The following ARFIP1 variants were observed in gnomAD, a reference collection of about 807,000 sequenced individuals.
The protein encoded by ARFIP1 is arfaptin-1.
ARFIP1 carries 24 observed loss-of-function variants against 42.5 expected under a neutral mutation model. That is an observed-to-expected ratio of 0.57 (90% CI 0.41 to 0.80). The LOEUF is 0.80. Among genes scored for constraint, ARFIP1 ranks in the 30% least tolerant of loss-of-function variants. ARFIP1 has a pLI of 0.00. For synonymous variants in ARFIP1, 141 were observed against 153.7 expected, an observed-to-expected ratio of 0.92 and a Z score of 0.61; for missense variants, 354 against 434.0, an observed-to-expected ratio of 0.82 and a Z score of 1.64.
chr4:152,796,139 C>G (rs1027124420), intron 1 of ARFIP1: 1 of 747,056 alleles, frequency 1.3e-6, no homozygotes, highest in Non-Finnish European at 2.5e-6. Context: ...CCCCAAATAA[C>G]TTTGCCTCCC....
intron 8 of ARFIP1, among the ~76,000 whole-genome samples, chr4:152,892,838 T>C (rs750940615): frequency 1.3e-5 from 2 of 152,250 alleles, no homozygotes; most frequent in African/African-American, 4.8e-5. Context: ...ATCTCTGATA[T>C]TCTCTTCTTT....
chr4:152,816,114 T>G (rs188926599), intron 1 of ARFIP1, among the ~76,000 whole-genome samples: 3 of 152,332 alleles, frequency 2.0e-5, no homozygotes, highest in Non-Finnish European at 4.4e-5. Context: ...TTGCCTAGAC[T>G]ATTCCAGTAG....
intron 2 of ARFIP1, among the ~76,000 whole-genome samples, chr4:152,844,927 A>C (rs997790197): frequency 2.0e-5 from 3 of 152,186 alleles, no homozygotes; most frequent in Admixed American, 1.3e-4. Context: ...AGCAAAAAGA[A>C]CAAGGCTGGA....
intron 7 of ARFIP1, chr4:152,883,115 G>T: frequency 2.3e-6 from 1 of 441,998 alleles, no homozygotes; most frequent in South Asian, 2.7e-5. Context: ...GAACCCCTAT[G>T]CTGGGTGCCT....
Position 152,815,588 on chromosome 4 carries a change from A to G in ARFIP1, c.-9-14037A>G, listed in dbSNP as rs115998626. Among the ~76,000 whole-genome samples the G allele has an allele frequency of 9.5e-3, 1,440 of 152,162 alleles. 31 individuals carry two copies. Among genetic ancestry groups the G allele is most frequent in the African/African-American group, 0.033 (1,357 of 41,488 alleles). On this transcript the variant is annotated intron_variant, in intron 1 of 8. Coordinates refer to ENST00000353617, the MANE Select transcript of ARFIP1 (RefSeq NM_001025595.3). The stretch of plus-strand genomic sequence containing the variant: ...TCCCTTACATTGTGCTCTTCCCCCA[A>G]TCTTGTCCAATGGCAATTCCATCTT...
At chr4:152,810,465 G>A (rs952952008) in intron 1 of ARFIP1, 1 of 152,072 alleles carries the variant, frequency 6.6e-6, no homozygotes, top group East Asian at 1.9e-4. Context: ...GTGTTTCCGT[G>A]GTAGAAATAC....
intron 2 of ARFIP1, among the ~76,000 whole-genome samples, chr4:152,845,459 C>G (rs1732462566): frequency 6.6e-6 from 1 of 152,184 alleles, no homozygotes; most frequent in South Asian, 2.1e-4. Flanking sequence ...ATGCATCTGA[C>G]AAAGGTATAA....
chr4:152,793,228 A>T (rs903661314), intron 1 of ARFIP1, among the ~76,000 whole-genome samples: 2 of 151,578 alleles, frequency 1.3e-5, no homozygotes, highest in Non-Finnish European at 2.9e-5. Flanking sequence ...AGAAATAAAT[A>T]TGAAGTGGAT....
chr4:152,831,398 G>A (rs1731228920), intron 2 of ARFIP1, among the ~76,000 whole-genome samples: 1 of 152,140 alleles, frequency 6.6e-6, no homozygotes, highest in Admixed American at 6.5e-5. Context: ...AGAAAATGTT[G>A]CATTCATGGT....
rs552471157 is a variant in ARFIP1, at chr4:152,823,622, T to TA, written c.-9-6002dup. ...GGTGAAACCCCGTCTCTACTAAAAA[T>TA]ACAAAAATTAGCTGGGCTGTGGCAT... On this transcript the variant is annotated intron_variant, in intron 1 of 8. Transcript: ENST00000353617. Among the ~76,000 whole-genome samples the TA allele has an allele frequency of 2.6e-3, 391 of 151,360 alleles. 1 individual carries two copies. Among genetic ancestry groups the TA allele is most frequent in the African/African-American group, 9.1e-3 (374 of 41,268 alleles).
intron 5 of ARFIP1, among the ~76,000 whole-genome samples, chr4:152,877,502 TCA>T (rs1415566705): frequency 1.3e-5 from 2 of 152,186 alleles, no homozygotes; most frequent in Admixed American, 6.5e-5. Flanking sequence ...TTTTACAGAC[TCA>T]CACGCATCTC....
At chr4:152,854,458 G>T (rs1260269557) in intron 2 of ARFIP1, among the ~76,000 whole-genome samples, 1 of 151,924 alleles carries the variant, frequency 6.6e-6, no homozygotes, top group Non-Finnish European at 1.5e-5. Context: ...TTTTTCCAAG[G>T]TTTCCTGAAT....
At chr4:152,892,967 A>G (rs1355486455) in intron 8 of ARFIP1, among the ~76,000 whole-genome samples, 1 of 152,184 alleles carries the variant, frequency 6.6e-6, no homozygotes, top group Non-Finnish European at 1.5e-5. Context: ...AACTTGAGCT[A>G]TTTTGTGACT....
chr4:152,794,081 C>G (rs563944267), intron 1 of ARFIP1, among the ~76,000 whole-genome samples: 78 of 152,062 alleles, frequency 5.1e-4, no homozygotes, highest in Non-Finnish European at 1.0e-3. Context: ...CCCTTACATT[C>G]CTCACCCCAT....
At chr4:152,795,546 C>A (rs1731392665) in intron 1 of ARFIP1, among the ~76,000 whole-genome samples, 1 of 152,054 alleles carries the variant, frequency 6.6e-6, no homozygotes, top group South Asian at 2.1e-4. Context: ...GGGTGGATTC[C>A]TTGAAGTGGA....
At chr4:152,838,121 G>A (rs1157277544) in intron 2 of ARFIP1, among the ~76,000 whole-genome samples, 1 of 152,110 alleles carries the variant, frequency 6.6e-6, no homozygotes, top group Non-Finnish European at 1.5e-5. Context: ...TCTCTATTCT[G>A]TTCCATTGGT....
chr4:152,817,463 A>G (rs919406710), intron 1 of ARFIP1, among the ~76,000 whole-genome samples: 1 of 152,244 alleles, frequency 6.6e-6, no homozygotes, highest in African/African-American at 2.4e-5. Flanking sequence ...AAATTAACTC[A>G]GAATGAATCA....
intron 1 of ARFIP1, among the ~76,000 whole-genome samples, chr4:152,806,968 A>G (rs1441767011): frequency 1.3e-5 from 2 of 152,102 alleles, no homozygotes; most frequent in African/African-American, 2.4e-5. Context: ...CCTGCTGAGT[A>G]GCTAGGACTA....
intron 1 of ARFIP1, among the ~76,000 whole-genome samples, chr4:152,786,199 T>A (rs1022159711): frequency 1.3e-5 from 2 of 152,248 alleles, no homozygotes; most frequent in Admixed American, 1.3e-4. Flanking sequence ...GATGTCAGCT[T>A]CATTAAGGGC....
Sources: allele counts gnomAD v4.1 joint callset (sites outside exome capture counted in the v4.1 genomes callset), GRCh38; gene constraint gnomAD v4.1.1; transcripts MANE v1.5; gene names NCBI Gene and HGNC (gene_info 2026-07-23, HGNC 2026-07-21).